The following KCNMA1 variants were observed in gnomAD, a reference collection of about 807,000 sequenced individuals.
KCNMA1 encodes the protein Calcium-activated potassium channel subunit alpha-1.
Under a neutral mutation model 140.0 loss-of-function variants are expected in KCNMA1, and 29 were observed. The observed-to-expected ratio is 0.21, with a 90% CI of 0.15 to 0.28. The LOEUF (loss-of-function observed/expected upper bound fraction) is 0.28, where lower values mean the gene tolerates loss of function less well. KCNMA1 is among the 10% of genes least tolerant of loss of function. The pLI, the probability that KCNMA1 is intolerant of heterozygous loss-of-function variation, is 1.00. For synonymous variants in KCNMA1, 612 were observed against 611.9 expected (o/e 1.00, Z 0.00); for missense variants, 880 against 1,602.2 (o/e 0.55, Z 7.70).
At chr10:77,270,020 CTGGCTCTG>C (rs2154279375) in intron 2 of KCNMA1, among the ~76,000 whole-genome samples, 1 of 152,294 alleles carries the variant, frequency 6.6e-6, no homozygotes, top group East Asian at 1.9e-4. Flanking sequence ...AGGCTGTTCC[CTGGCTCTG>C]TGGGGTCCCT....
At chr10:76,969,118 T>C (rs1045688775) in intron 20 of KCNMA1, among the ~76,000 whole-genome samples, 4 of 151,778 alleles carry the variant, frequency 2.6e-5, no homozygotes, top group Admixed American at 6.6e-5. Context: ...GGCAGATGAA[T>C]TGAAGACAAA....
intron 3 of KCNMA1, among the ~76,000 whole-genome samples, chr10:77,231,657 C>T (rs992158674): frequency 6.0e-5 from 9 of 150,386 alleles, no homozygotes; most frequent in African/African-American, 1.0e-4. Context: ...CTGTCTGTGA[C>T]GCCTCCAGCA....
chr10:76,965,186 T>C (rs2073379926), intron 20 of KCNMA1, among the ~76,000 whole-genome samples: 1 of 152,186 alleles, frequency 6.6e-6, no homozygotes, highest in African/African-American at 2.4e-5. Flanking sequence ...TAGGGAGAAT[T>C]GGGCCACGGG....
At chr10:77,367,751 G>A (rs2094453107) in intron 2 of KCNMA1, among the ~76,000 whole-genome samples, 1 of 152,098 alleles carries the variant, frequency 6.6e-6, no homozygotes, top group South Asian at 2.1e-4. Context: ...TCTGTCCTCT[G>A]TCACTACAGT....
chr10:77,064,851 G>T (rs1357604445), intron 14 of KCNMA1, among the ~76,000 whole-genome samples: 4 of 152,212 alleles, frequency 2.6e-5, no homozygotes, highest in Admixed American at 2.0e-4. Flanking sequence ...ACACTGACTG[G>T]ATTTTCTGGC....
intron 14 of KCNMA1, among the ~76,000 whole-genome samples, chr10:77,048,853 C>T (rs935949183): frequency 1.2e-4 from 19 of 152,214 alleles, no homozygotes; most frequent in South Asian, 8.3e-4. Flanking sequence ...CTCCCCCTCG[C>T]GGGTTCATGC....
At chr10:77,116,388 T>G (rs1306319980) in intron 6 of KCNMA1, among the ~76,000 whole-genome samples, 1 of 152,128 alleles carries the variant, frequency 6.6e-6, no homozygotes, top group African/African-American at 2.4e-5. Flanking sequence ...CCAGAGCTTC[T>G]GGGGCCTCCT....
rs183973520 is a variant in KCNMA1 at position 77,252,738 on chromosome 10, G to C, written c.541-1482C>G. 4.6e-5 allele frequency among the ~76,000 whole-genome samples: 7 copies of C among 152,212 alleles called. 1 individual carries two copies. In the East Asian group the frequency reaches 1.4e-3, roughly 29 times the overall value. ...ATGGAGCTCCTGGGGCAGAATGGTGGCTTGCACAGCCCAGAAAATGACCAT... is the reference window on the plus strand; with the variant it reads ...ATGGAGCTCCTGGGGCAGAATGGTGCCTTGCACAGCCCAGAAAATGACCAT... On this transcript the variant is annotated intron_variant, in intron 2 of 27. Transcript: ENST00000286628.
In KCNMA1 at chr10:77,277,861, C is replaced by T. The variant is rs143703620; in HGVS notation, c.541-26605G>A. Among the ~76,000 whole-genome samples the T allele has an allele frequency of 3.9e-5, 6 of 152,304 alleles. No homozygotes were observed. The East Asian group carries it at 1.2e-3, about 29-fold the overall frequency. On this transcript the variant is annotated intron_variant, in intron 2 of 27. Coordinates refer to ENST00000286628, the MANE Select transcript of KCNMA1 (RefSeq NM_001161352.2). ...GCTGCCTGGGAAGTCTGCAGTTACG[C>T]CTTTGGACATGGACTGTTGGGACTT...
intron 14 of KCNMA1, among the ~76,000 whole-genome samples, chr10:77,063,280 G>A (rs1449598934): frequency 6.6e-6 from 1 of 152,018 alleles, no homozygotes; most frequent in Non-Finnish European, 1.5e-5. Context: ...GGGTGTGGTG[G>A]CTCGTGCCTG....
intron 23 of KCNMA1, among the ~76,000 whole-genome samples, chr10:76,932,902 C>A (rs984068545): frequency 1.3e-5 from 2 of 152,212 alleles, no homozygotes; most frequent in African/African-American, 4.8e-5. Flanking sequence ...GAGATATTTT[C>A]TGCCCTTTGT....
intron 5 of KCNMA1, among the ~76,000 whole-genome samples, chr10:77,144,838 G>A (rs1189545606): frequency 6.6e-6 from 1 of 152,216 alleles, no homozygotes; most frequent in Non-Finnish European, 1.5e-5. Flanking sequence ...TTCAGGCTCT[G>A]CCACCAGCAG....
chr10:77,432,207 C>T (rs949085412), intron 1 of KCNMA1, among the ~76,000 whole-genome samples: 1 of 152,196 alleles, frequency 6.6e-6, no homozygotes, highest in Non-Finnish European at 1.5e-5. Flanking sequence ...ACTTTGCCTC[C>T]TTGAGGCTTT....
At chr10:77,577,438 G>C (rs1209244296) in intron 1 of KCNMA1, among the ~76,000 whole-genome samples, 3 of 152,114 alleles carry the variant, frequency 2.0e-5, no homozygotes, top group African/African-American at 7.2e-5. Flanking sequence ...CAAGGACCGG[G>C]AGAGACCGAG....
chr10:77,230,327 C>T (rs2053158192), intron 3 of KCNMA1, among the ~76,000 whole-genome samples: 4 of 152,110 alleles, frequency 2.6e-5, no homozygotes, highest in African/African-American at 7.2e-5. Flanking sequence ...TATGGGGTTT[C>T]CTTTTGGGTT....
chr10:77,627,031 T>C (rs1215864631), intron 1 of KCNMA1, among the ~76,000 whole-genome samples: 1 of 152,178 alleles, frequency 6.6e-6, no homozygotes, highest in African/African-American at 2.4e-5. Context: ...CTCTTTTCTT[T>C]TCTGGTTTCT....
intron 1 of KCNMA1, among the ~76,000 whole-genome samples, chr10:77,633,583 G>A (rs2673409): frequency 0.53 from 79,714 of 151,784 alleles, 21,893 homozygotes; most frequent in African/African-American, 0.65. Flanking sequence ...ACTGCGTCAG[G>A]CCAGACCCTG....
intron 3 of KCNMA1, among the ~76,000 whole-genome samples, chr10:77,227,415 A>G (rs2051866792): frequency 6.6e-6 from 1 of 152,186 alleles, no homozygotes; most frequent in Non-Finnish European, 1.5e-5. Context: ...TATGACATCA[A>G]TGCTATACTC....
chr10:77,582,462 A>C (rs910764853), intron 1 of KCNMA1, among the ~76,000 whole-genome samples: 1 of 152,238 alleles, frequency 6.6e-6, no homozygotes, highest in Non-Finnish European at 1.5e-5. Context: ...ACCTAATGCA[A>C]GCGGGGCTTA....
Sources: allele counts gnomAD v4.1 joint callset (sites outside exome capture counted in the v4.1 genomes callset), GRCh38; gene constraint gnomAD v4.1.1; transcripts MANE v1.5; gene names NCBI Gene and HGNC (gene_info 2026-07-23, HGNC 2026-07-21).